GRM5: variants seen among roughly 807,000 people sequenced by gnomAD.
The protein encoded by GRM5 is metabotropic glutamate receptor 5.
A neutral mutation model predicts 83.1 loss-of-function variants in GRM5; 19 were observed. The observed-to-expected ratio is 0.23, with a 90% confidence interval of 0.16 to 0.34. The LOEUF (loss-of-function observed/expected upper bound fraction) is 0.34. Among genes scored for constraint, GRM5 ranks in the 10% least tolerant of loss-of-function variants. GRM5 has a pLI of 1.00. For synonymous variants in GRM5, 675 were observed against 633.6 expected (o/e 1.07, Z -0.98); for missense variants, 1,160 against 1,588.3 (o/e 0.73, Z 4.58).
chr11:89,045,443 A>C (rs1028666585), intron 2 of GRM5, among the ~76,000 whole-genome samples: 1 of 152,190 alleles, frequency 6.6e-6, no homozygotes, highest in African/African-American at 2.4e-5. Flanking sequence ...TTTAGAAAAA[A>C]TAAAATGTTA....
chr11:88,532,296 A>G (rs916574262), intron 8 of GRM5, among the ~76,000 whole-genome samples: 4 of 152,128 alleles, frequency 2.6e-5, no homozygotes, highest in Admixed American at 6.5e-5. Flanking sequence ...ATTACTTTTT[A>G]TTATTTAGAA....
At chr11:88,908,796 C>T (rs1945446580) in intron 2 of GRM5, among the ~76,000 whole-genome samples, 1 of 152,198 alleles carries the variant, frequency 6.6e-6, no homozygotes, top group East Asian at 1.9e-4. Flanking sequence ...TCACCAAAAG[C>T]AGATATTAAA....
intron 2 of GRM5, among the ~76,000 whole-genome samples, chr11:89,000,011 T>G (rs556579160): frequency 3.2e-4 from 48 of 152,210 alleles, no homozygotes; most frequent in African/African-American, 1.1e-3. Context: ...CACTGCATGT[T>G]CTCATTCACA....
chr11:88,985,216 G>C (rs1220248465), intron 2 of GRM5, among the ~76,000 whole-genome samples: 1 of 152,180 alleles, frequency 6.6e-6, no homozygotes, highest in East Asian at 1.9e-4. Flanking sequence ...CTAAAGGTTA[G>C]ATGCCATAAC....
chr11:88,974,404 G>C (rs1939263662), intron 2 of GRM5, among the ~76,000 whole-genome samples: 1 of 151,926 alleles, frequency 6.6e-6, no homozygotes, highest in African/African-American at 2.4e-5. Context: ...TAGATAGATA[G>C]ATAGATAGAT....
At chr11:88,990,098 A>C (rs1162959964) in intron 2 of GRM5, among the ~76,000 whole-genome samples, 1 of 149,288 alleles carries the variant, frequency 6.7e-6, no homozygotes, top group African/African-American at 2.5e-5. Context: ...GGATCAACAA[A>C]ATTGATAGAC....
At chr11:88,909,195 G>A (rs574182966) in intron 2 of GRM5, among the ~76,000 whole-genome samples, 2 of 152,136 alleles carry the variant, frequency 1.3e-5, no homozygotes, top group East Asian at 3.9e-4. Flanking sequence ...AACCTTGTGG[G>A]AAATAGATGA....
intron 7 of GRM5, among the ~76,000 whole-genome samples, chr11:88,573,188 C>CT (rs34601577): frequency 6.6e-6 from 1 of 151,976 alleles, no homozygotes; most frequent in Non-Finnish European, 1.5e-5. Context: ...ACAAGTTTTT[C>CT]TTTTTTTAAA....
At chr11:88,975,699 G>T (rs1939312854) in intron 2 of GRM5, among the ~76,000 whole-genome samples, 1 of 152,164 alleles carries the variant, frequency 6.6e-6, no homozygotes, top group South Asian at 2.1e-4. Context: ...ACTCATATGG[G>T]CATGAATGTT....
chr11:88,652,004 G>C (rs146932420), intron 4 of GRM5, among the ~76,000 whole-genome samples: 1,817 of 151,954 alleles, frequency 0.012, 36 homozygotes, highest in African/African-American at 0.041. Flanking sequence ...TTTATTGCTG[G>C]TATGTGACAA....
At chr11:88,968,286 A>G (rs1178666389) in intron 2 of GRM5, among the ~76,000 whole-genome samples, 5 of 152,162 alleles carry the variant, frequency 3.3e-5, no homozygotes, top group Non-Finnish European at 5.9e-5. Flanking sequence ...AACAGGCAGG[A>G]ATATATTGTA....
intron 2 of GRM5, among the ~76,000 whole-genome samples, chr11:88,895,747 A>C (rs1185768110): frequency 6.6e-6 from 1 of 151,926 alleles, no homozygotes; most frequent in African/African-American, 2.4e-5. Flanking sequence ...CTATGAAAAC[A>C]TTTGCTGCTT....
In GRM5 at chr11:89,023,540, A is replaced by G. The variant is rs1043306909; in HGVS notation, c.661+23672T>C. ...TCATTTCCTTAGTATTTTACCTTAC[A>G]GTGGGTCAGTTAAGAAATTTTAAGG... On this transcript the variant is annotated intron_variant, in intron 2 of 9. Coordinates refer to ENST00000305447, the MANE Select transcript of GRM5 (RefSeq NM_001143831.3). 1.2e-4 allele frequency among the ~76,000 whole-genome samples: 19 copies of G among 152,124 alleles called. 1 individual carries two copies. Among genetic ancestry groups the G allele is most frequent in the Admixed American group, 1.1e-3 (17 of 15,266 alleles).
chr11:88,600,172 T>A (rs1937938735), intron 5 of GRM5, among the ~76,000 whole-genome samples: 1 of 151,900 alleles, frequency 6.6e-6, no homozygotes, highest in Non-Finnish European at 1.5e-5. Flanking sequence ...GTTTCTTTTT[T>A]CTCCTTCCCA....
chr11:88,820,462 C>T (rs977346797), intron 3 of GRM5, among the ~76,000 whole-genome samples: 1 of 150,828 alleles, frequency 6.6e-6, no homozygotes, highest in African/African-American at 2.4e-5. Flanking sequence ...AGCCCTGTAC[C>T]TTTTGAAATA....
intron 2 of GRM5, among the ~76,000 whole-genome samples, chr11:88,856,118 A>G (rs1944471707): frequency 6.6e-6 from 1 of 152,074 alleles, no homozygotes; most frequent in Non-Finnish European, 1.5e-5. Context: ...TTTCCTCACA[A>G]GGAAATTAAG....
chr11:88,573,166 T>C (rs150889088), intron 7 of GRM5, among the ~76,000 whole-genome samples: 207 of 152,304 alleles, frequency 1.4e-3, no homozygotes, highest in African/African-American at 4.8e-3. Flanking sequence ...TGAACTGACA[T>C]ATATTGAAAA....
intron 2 of GRM5, among the ~76,000 whole-genome samples, chr11:88,961,929 T>C (rs1488854050): frequency 6.6e-6 from 1 of 152,228 alleles, no homozygotes; most frequent in Non-Finnish European, 1.5e-5. Context: ...ATGACTGTAA[T>C]AGCAGTTACT....
At chr11:88,920,027 T>A (rs1364588559) in intron 2 of GRM5, among the ~76,000 whole-genome samples, 1 of 151,766 alleles carries the variant, frequency 6.6e-6, no homozygotes, top group East Asian at 1.9e-4. Context: ...TCAAACTTGG[T>A]AGAAAAAAAG....
Sources: gnomAD v4.1 joint callset for allele counts (sites outside exome capture counted in the v4.1 genomes callset) on GRCh38, gnomAD v4.1.1 for gene constraint, MANE v1.5 for transcripts, NCBI Gene and HGNC (gene_info 2026-07-23, HGNC 2026-07-21) for gene names.